Variants in CNOT2 observed in about 807,000 individuals in gnomAD.
The protein encoded by CNOT2 is CC chemokine receptor 4-negative regulator of transcription 2.
In CNOT2, 7 loss-of-function variants were observed where a neutral mutation model predicts 72.1. That is an observed-to-expected ratio of 0.10 (90% confidence interval 0.06 to 0.18). The LOEUF is 0.18. Ranked by LOEUF, CNOT2 falls within the 10% of genes least tolerant of loss-of-function variation. The pLI, the probability that CNOT2 is intolerant of heterozygous loss-of-function variation, is 1.00. For synonymous variants in CNOT2, 196 were observed against 225.6 expected (o/e 0.87, Z 1.17); for missense variants, 345 against 660.3 (o/e 0.52, Z 5.23).
intron 1 of CNOT2, among the ~76,000 whole-genome samples, chr12:70,266,265 A>G (rs1301383903): frequency 6.6e-6 from 1 of 151,972 alleles, no homozygotes; most frequent in African/African-American, 2.4e-5. Context: ...CTAGAATTAT[A>G]GGCATGCACC....
intron 1 of CNOT2, among the ~76,000 whole-genome samples, chr12:70,245,307 C>T (rs1219677477): frequency 6.6e-6 from 1 of 152,100 alleles, no homozygotes; most frequent in African/African-American, 2.4e-5. Context: ...TATTTCTTGA[C>T]TTTGTAAGAT....
At chr12:70,279,770 C>T (rs1333702449) in intron 2 of CNOT2, among the ~76,000 whole-genome samples, 1 of 152,036 alleles carries the variant, frequency 6.6e-6, no homozygotes, top group African/African-American at 2.4e-5. Flanking sequence ...TCTCATGGAA[C>T]CACATTAATA....
At chr12:70,254,548 T>TGAA in intron 1 of CNOT2, among the ~76,000 whole-genome samples, 1 of 152,258 alleles carries the variant, frequency 6.6e-6, no homozygotes, top group East Asian at 1.9e-4. Context: ...TAACTGAAAC[T>TGAA]GAAGAAGAAG....
intron 3 of CNOT2, among the ~76,000 whole-genome samples, chr12:70,317,456 A>G (rs1877531604): frequency 6.6e-6 from 1 of 151,962 alleles, no homozygotes; most frequent in Non-Finnish European, 1.5e-5. Context: ...ACAGTAATCT[A>G]TAATACCTAA....
At chr12:70,244,678 G>T (rs1261434187) in intron 1 of CNOT2, among the ~76,000 whole-genome samples, 1 of 152,152 alleles carries the variant, frequency 6.6e-6, no homozygotes, top group Non-Finnish European at 1.5e-5. Flanking sequence ...TTTCATAAAA[G>T]TCTTGGTCAG....
intron 2 of CNOT2, among the ~76,000 whole-genome samples, chr12:70,291,286 A>G (rs968278056): frequency 1.3e-5 from 2 of 152,240 alleles, no homozygotes; most frequent in Admixed American, 1.3e-4. Flanking sequence ...CTGGATCAGT[A>G]AATTAAAGAC....
chr12:70,331,746 GT>G lies in CNOT2; in HGVS notation c.570-1017del, dbSNP rs540571031. 218 of 151,796 alleles carry G rather than the reference GT, an allele frequency of 1.4e-3. 1 individual carries two copies. Among genetic ancestry groups the G allele is most frequent in the African/African-American group, 5.1e-3 (213 of 41,482 alleles). The allele number at this position is 151,796 out of a possible 1,614,324, so 9.4% of individuals were successfully genotyped here. On this transcript the variant is annotated intron_variant, in intron 6 of 15. Transcript: ENST00000229195. ...GTGTTTGTTGTTTTGTCAGCTGCATGTTTTATCAAAAAATTGTTTCACTATA... is the reference window on the plus strand; with the variant it reads ...GTGTTTGTTGTTTTGTCAGCTGCATGTTTATCAAAAAATTGTTTCACTATA...
intron 1 of CNOT2, among the ~76,000 whole-genome samples, chr12:70,266,194 C>T (rs1001739297): frequency 1.3e-5 from 2 of 151,894 alleles, no homozygotes; most frequent in Admixed American, 1.3e-4. Context: ...ACAACCTCCA[C>T]CTCTGGGTGG....
chr12:70,271,930 T>G (rs1293491247), intron 1 of CNOT2, among the ~76,000 whole-genome samples: 1 of 152,212 alleles, frequency 6.6e-6, no homozygotes, highest in Non-Finnish European at 1.5e-5. Context: ...AAAAATGATG[T>G]GAAAAGTTAA....
chr12:70,249,483 G>T (rs747001957), intron 1 of CNOT2, among the ~76,000 whole-genome samples: 1 of 151,814 alleles, frequency 6.6e-6, no homozygotes, highest in African/African-American at 2.4e-5. Context: ...TATGAAGGCC[G>T]TTTTCATCTT....
intron 1 of CNOT2, among the ~76,000 whole-genome samples, chr12:70,264,584 G>A (rs1015407050): frequency 1.3e-5 from 2 of 152,094 alleles, no homozygotes; most frequent in South Asian, 2.1e-4. Flanking sequence ...TCATGTTTAC[G>A]GTAGAGCCTC....
intron 2 of CNOT2, among the ~76,000 whole-genome samples, chr12:70,289,761 A>G (rs1031158750): frequency 1.3e-5 from 2 of 152,020 alleles, no homozygotes; most frequent in African/African-American, 2.4e-5. Context: ...CTCCTTGCAT[A>G]TCATTGTCTA....
At chr12:70,348,707 G>A (rs1444833964) in intron 15 of CNOT2, among the ~76,000 whole-genome samples, 1 of 152,000 alleles carries the variant, frequency 6.6e-6, no homozygotes, top group Non-Finnish European at 1.5e-5. Flanking sequence ...CCAGAATTAA[G>A]TTCTCCTCAT....
intron 2 of CNOT2, among the ~76,000 whole-genome samples, chr12:70,308,693 TCAAAC>T (rs1014353407): frequency 1.3e-5 from 2 of 152,058 alleles, no homozygotes; most frequent in Admixed American, 6.6e-5. Flanking sequence ...AATTTTGCCT[TCAAAC>T]CAAACCTTTT....
At chr12:70,263,253 C>G (rs973555122) in intron 1 of CNOT2, among the ~76,000 whole-genome samples, 1 of 151,858 alleles carries the variant, frequency 6.6e-6, no homozygotes, top group African/African-American at 2.4e-5. Flanking sequence ...TCTTCAATTT[C>G]AGAGGTTATC....
chr12:70,308,920 T>C (rs928432881), intron 2 of CNOT2, among the ~76,000 whole-genome samples: 2 of 152,154 alleles, frequency 1.3e-5, no homozygotes, highest in African/African-American at 4.8e-5. Flanking sequence ...AATTATGCAT[T>C]TTCCATGTTT....
intron 1 of CNOT2, among the ~76,000 whole-genome samples, chr12:70,251,752 A>T (rs17107874): frequency 0.029 from 4,454 of 152,256 alleles, 143 homozygotes; most frequent in African/African-American, 0.067. Context: ...ATGACTTTGA[A>T]ACTCTGTAGT....
rs552971911 is a variant in CNOT2, at chr12:70,247,967, T to G, written c.-96+4487T>G. Among the ~76,000 whole-genome samples the G allele has an allele frequency of 2.0e-5, 3 of 152,340 alleles. No homozygotes were observed. In the East Asian group the frequency reaches 5.8e-4, roughly 29 times the overall value. On this transcript the variant is annotated intron_variant, in intron 1 of 15. Coordinates refer to ENST00000229195, the MANE Select transcript of CNOT2 (RefSeq NM_014515.7). ...ACATATGGAAAAATAGATAACTAGC[T>G]TCTTAGGGAAGTGTGTGTAAAGTTA...
At chr12:70,268,099 C>T (rs767686236) in intron 1 of CNOT2, among the ~76,000 whole-genome samples, 8 of 152,276 alleles carry the variant, frequency 5.3e-5, no homozygotes, top group African/African-American at 1.4e-4. Flanking sequence ...AGTTTTCTAC[C>T]GGTATTATTT....
Sources: gnomAD v4.1 joint callset for allele counts (sites outside exome capture counted in the v4.1 genomes callset) on GRCh38, gnomAD v4.1.1 for gene constraint, MANE v1.5 for transcripts, NCBI Gene and HGNC (gene_info 2026-07-23, HGNC 2026-07-21) for gene names.